F5: variants seen among roughly 807,000 people sequenced by gnomAD.
F5 encodes coagulation factor V.
In F5, 138 loss-of-function variants were observed where a neutral mutation model predicts 216.4. The ratio of observed to expected loss-of-function variants is 0.64; its 90% confidence interval spans 0.56 to 0.73. The LOEUF (loss-of-function observed/expected upper bound fraction) is 0.73. Among genes scored for constraint, F5 ranks in the 30% least tolerant of loss-of-function variants. F5 has a pLI of 0.00. For missense variants in F5, 2,403 were observed against 2,674.0 expected (o/e 0.90, Z 2.24); for synonymous variants, 916 against 930.7 (o/e 0.98, Z 0.29).
Position 169,540,661 on chromosome 1 carries a change from C to T in F5, c.4429G>A (p.Glu1477Lys). ...SESSQSLLLQ[E>K]FNESFPYPDL... ...GGATAAGGAAAAGACTCATTAAATT[C>T]TTGAAGAAGCAATGACTGACTAGAT... Residue 1477 changes from glutamate (E) to lysine (K), a missense_variant, in exon 13 of 25, where the codon GAA becomes AAA. Coordinates refer to ENST00000367797, the MANE Select transcript of F5 (RefSeq NM_000130.5). The T allele has an allele frequency of 6.2e-7, 1 of 1,613,992 alleles. No individual in the cohort carries two copies. Among genetic ancestry groups the T allele is most frequent in the Non-Finnish European group, 8.5e-7 (1 of 1,179,988 alleles).
intron 21 of F5, 74 bp downstream of exon 21, chr1:169,523,123 T>C: frequency 6.6e-7 from 1 of 1,517,764 alleles, no homozygotes; most frequent in Non-Finnish European, 9.2e-7. Flanking sequence ...AAATACATAA[T>C]CATTAGGTAT....
At chr1:169,553,696 T>C (rs867659749) in intron 7 of F5, among the ~76,000 whole-genome samples, 4 of 152,190 alleles carry the variant, frequency 2.6e-5, no homozygotes, top group African/African-American at 9.7e-5. Context: ...CACTCCAGCC[T>C]GGGCGACAGA....
chr1:169,550,539 T>C (rs1467946240), intron 9 of F5, 101 bp downstream of exon 9: 3 of 847,478 alleles, frequency 3.5e-6, no homozygotes, highest in Non-Finnish European at 6.1e-6. Flanking sequence ...GTATACTACC[T>C]GACTGCAGTA....
intron 6 of F5, 52 bp downstream of exon 6, chr1:169,556,594 G>A (rs896236996): frequency 1.9e-6 from 3 of 1,570,976 alleles, no homozygotes; most frequent in Non-Finnish European, 2.6e-6. Flanking sequence ...GTTAGTGCAT[G>A]GGAAGAAAGG....
intron 22 of F5, among the ~76,000 whole-genome samples, chr1:169,519,202 C>G (rs1157921003): frequency 3.3e-5 from 5 of 152,008 alleles, no homozygotes; most frequent in African/African-American, 1.2e-4. Flanking sequence ...GTTGGTAAAT[C>G]ATGCAGAAAT....
chr1:169,581,839 C>G (rs1242463954), intron 2 of F5, among the ~76,000 whole-genome samples: 2 of 91,398 alleles, frequency 2.2e-5, no homozygotes, highest in East Asian at 6.3e-4. Flanking sequence ...ACTAAATAAA[C>G]AGAAGAATAG....
chr1:169,552,549 T>C lies in F5; in HGVS notation c.1296+8A>G. ...TTTCTCCCATGATTCTGTATTTGTG[T>C]TACTTACTTTGAGTGTGTCTCTGAC... On this transcript the variant is annotated splice_region_variant and intron_variant, in intron 8 of 24. Transcript: ENST00000367797. The C allele has an allele frequency of 1.2e-6, 2 of 1,610,628 alleles. No individual in the cohort carries two copies. The highest frequency in any genetic ancestry group is 1.7e-6 in the Non-Finnish European group (2 of 1,177,064).
At chr1:169,563,020 G>A (rs1039943319) in intron 3 of F5, among the ~76,000 whole-genome samples, 1 of 151,838 alleles carries the variant, frequency 6.6e-6, no homozygotes, top group African/African-American at 2.4e-5. Context: ...AATTCTTTCT[G>A]CATTTGTATG....
chr1:169,546,858 G>A (rs1385318876), intron 10 of F5, among the ~76,000 whole-genome samples: 14 of 151,896 alleles, frequency 9.2e-5, no homozygotes, highest in Non-Finnish European at 1.6e-4. Flanking sequence ...GGCCTGGCGC[G>A]GTGGCTCACG....
intron 3 of F5, among the ~76,000 whole-genome samples, chr1:169,570,982 A>G (rs1660708895): frequency 6.6e-6 from 1 of 152,142 alleles, no homozygotes; most frequent in Non-Finnish European, 1.5e-5. Context: ...TAAAACCTGC[A>G]CATAAACCAC....
intron 2 of F5, among the ~76,000 whole-genome samples, chr1:169,575,234 C>T (rs11587922): frequency 0.25 from 37,296 of 151,986 alleles, 5,383 homozygotes; most frequent in South Asian, 0.36. Flanking sequence ...GTTAGAGTAG[C>T]GTGCGCAAAG....
At position 169,572,199 on chromosome 1, in the gene F5, A is replaced by G. The variant is rs536640741; in HGVS notation, c.373+22T>C. Reference sequence around the variant, plus strand: ...AGACTTAGACATTTTCCCTTTTCAGAAAAATATTAGATTTATCTTACCTTC... The same window carrying G: ...AGACTTAGACATTTTCCCTTTTCAGGAAAATATTAGATTTATCTTACCTTC... On this transcript the variant is annotated intron_variant, in intron 3 of 24. Transcript: ENST00000367797. The G allele has an allele frequency of 2.1e-5, 34 of 1,608,398 alleles. No homozygotes were observed. The East Asian group carries it at 7.4e-4, about 35-fold the overall frequency.
Position 169,552,553 on chromosome 1 carries a change from T to A in F5, c.1296+4A>T, listed in dbSNP as rs773943225. 3 of 1,611,848 alleles carry A rather than the reference T, an allele frequency of 1.9e-6. No homozygotes were observed. The highest frequency in any genetic ancestry group is 2.5e-6 in the Non-Finnish European group (3 of 1,178,120). On this transcript the variant is annotated splice_donor_region_variant and intron_variant, in intron 8 of 24. Coordinates refer to ENST00000367797, the MANE Select transcript of F5 (RefSeq NM_000130.5). ...TCCCATGATTCTGTATTTGTGTTAC[T>A]TACTTTGAGTGTGTCTCTGACCTGG...
chr1:169,541,862 T>C lies in F5; in HGVS notation c.3228A>G (p.Thr1076=), dbSNP rs1208937286. 2 of 1,614,102 alleles carry C rather than the reference T, an allele frequency of 1.2e-6. No individual in the cohort carries two copies. Among genetic ancestry groups the C allele is most frequent in the Admixed American group, 3.3e-5 (2 of 60,012 alleles). Residue 1076 remains threonine, a synonymous_variant, in exon 13 of 25, where the codon ACA becomes ACG. Transcript: ENST00000367797. ...HSLVLHKSNE[T]SLPTDLNQTL... is the part of the protein sequence containing the mutation. ...TCTGATTGAGGTCTGTGGGAAGAGA[T>C]GTTTCATTGGATTTATGAAGCACCA... is the stretch of plus-strand genomic sequence containing the variant.
At chr1:169,575,235 G>A (rs551616772) in intron 2 of F5, among the ~76,000 whole-genome samples, 5 of 152,280 alleles carry the variant, frequency 3.3e-5, no homozygotes, top group South Asian at 2.1e-4. Flanking sequence ...TTAGAGTAGC[G>A]TGCGCAAAGG....
intron 17 of F5, among the ~76,000 whole-genome samples, chr1:169,526,731 C>T (rs1471380648): frequency 3.3e-5 from 5 of 152,080 alleles, no homozygotes; most frequent in Non-Finnish European, 7.4e-5. Context: ...TTTAGAGACA[C>T]CAGCCAATCC....
At position 169,513,018 on chromosome 1, in the gene F5, A is replaced by G. The variant is rs2101800028; in HGVS notation, c.*1295T>C. Among the ~76,000 whole-genome samples the G allele has an allele frequency of 6.6e-6, 1 of 151,944 alleles. No individual in the cohort carries two copies. The highest frequency in any genetic ancestry group is 1.9e-4 in the East Asian group (1 of 5,176). On this transcript the variant is annotated 3_prime_UTR_variant, in exon 25 of 25. Transcript: ENST00000367797. ...TATTTATTTCTGCCTTAATTTCATT[A>G]TTTACCCAGTAGTCATTCAGGAGCA...
At chr1:169,546,379 GCA>G (rs1189946069) in intron 11 of F5, 61 bp downstream of exon 11, 34 of 1,582,658 alleles carry the variant, frequency 2.1e-5, no homozygotes, top group Non-Finnish European at 2.9e-5. Flanking sequence ...CTGACTCTAG[GCA>G]CAGTCATATT....
intron 9 of F5, among the ~76,000 whole-genome samples, chr1:169,550,266 G>A (rs1487146973): frequency 5.1e-5 from 6 of 117,806 alleles, no homozygotes; most frequent in African/African-American, 1.0e-4. Flanking sequence ...ATCTCCTAAT[G>A]CTATCCCTCC....
Sources: allele counts gnomAD v4.1 joint callset (sites outside exome capture counted in the v4.1 genomes callset), GRCh38; gene constraint gnomAD v4.1.1; transcripts MANE v1.5; gene names NCBI Gene and HGNC (gene_info 2026-07-23, HGNC 2026-07-21).